The following UIMC1 variants were observed in gnomAD, a reference collection of about 807,000 sequenced individuals.
The protein encoded by UIMC1 is ubiquitin interaction motif containing 1, also known as BRCA1-A complex subunit RAP80.
A neutral mutation model predicts 84.9 loss-of-function variants in UIMC1; 42 were observed. The observed-to-expected ratio is 0.49, with a 90% CI of 0.39 to 0.64. The LOEUF is 0.64. Among genes scored for constraint, UIMC1 ranks in the 30% least tolerant of loss-of-function variants. UIMC1 has a pLI of 0.00. For synonymous variants in UIMC1, 281 were observed against 293.0 expected, an observed-to-expected ratio of 0.96 and a Z score of 0.42; for missense variants, 825 against 847.6, an observed-to-expected ratio of 0.97 and a Z score of 0.33.
At chr5:176,947,634 CG>C (rs981292505) in intron 9 of UIMC1, among the ~76,000 whole-genome samples, 246 of 151,982 alleles carry the variant, frequency 1.6e-3, no homozygotes, top group African/African-American at 5.7e-3. Flanking sequence ...CTGGCTAACA[CG>C]GTGAAACCCC....
chr5:176,988,963 A>G (rs2055619), intron 1 of UIMC1, among the ~76,000 whole-genome samples: 87,672 of 151,930 alleles, frequency 0.58, 27,040 homozygotes, highest in African/African-American at 0.81. Context: ...ATTACAGGGT[A>G]AGCCACCGTG....
At chr5:176,967,267 C>A (rs1768445345) in intron 6 of UIMC1, among the ~76,000 whole-genome samples, 1 of 150,372 alleles carries the variant, frequency 6.7e-6, no homozygotes. Context: ...CTGACTAATC[C>A]ACACATGGTA....
intron 13 of UIMC1, among the ~76,000 whole-genome samples, chr5:176,906,628 G>T (rs1759423036): frequency 6.6e-6 from 1 of 152,220 alleles, no homozygotes; most frequent in Non-Finnish European, 1.5e-5. Context: ...TGCAATCTAT[G>T]AGGTTTGGCA....
At chr5:177,010,381 G>C (rs1180837707), upstream of UIMC1, among the ~76,000 whole-genome samples, 2 of 152,160 alleles carry the variant, frequency 1.3e-5, no homozygotes, top group African/African-American at 2.4e-5. Flanking sequence ...CTAGCACAGA[G>C]TAAAGAAAGA....
intron 1 of UIMC1, among the ~76,000 whole-genome samples, chr5:177,017,051 T>C (rs1775689084): frequency 1.3e-5 from 2 of 148,668 alleles, no homozygotes; most frequent in Admixed American, 1.3e-4. Context: ...TGAAATGAAA[T>C]GAAAAATGAA....
intron 2 of UIMC1, among the ~76,000 whole-genome samples, chr5:176,979,187 G>A (rs1289546332): frequency 6.6e-6 from 1 of 152,194 alleles, no homozygotes; most frequent in Non-Finnish European, 1.5e-5. Flanking sequence ...GAGATTATTG[G>A]AAAGTGTTGG....
At chr5:176,975,106 C>G (rs563283568) in intron 3 of UIMC1, among the ~76,000 whole-genome samples, 1 of 151,904 alleles carries the variant, frequency 6.6e-6, no homozygotes, top group South Asian at 2.1e-4. Context: ...CATACCCCTA[C>G]ACTTAAGCCT....
At chr5:176,934,281 GAACA>G (rs1247571103) in intron 10 of UIMC1, among the ~76,000 whole-genome samples, 2 of 152,256 alleles carry the variant, frequency 1.3e-5, no homozygotes, top group African/African-American at 2.4e-5. Flanking sequence ...TTAGAGGTAT[GAACA>G]AACACTAAAT....
chr5:177,021,304 G>T (rs1301369498), intron 1 of UIMC1, among the ~76,000 whole-genome samples: 14 of 152,128 alleles, frequency 9.2e-5, no homozygotes, highest in Admixed American at 9.2e-4. Flanking sequence ...AGAAAGAAAA[G>T]AAAAGAGACA....
intron 10 of UIMC1, among the ~76,000 whole-genome samples, chr5:176,925,133 T>C (rs1359298245): frequency 1.3e-5 from 2 of 151,222 alleles, no homozygotes; most frequent in South Asian, 2.1e-4. Flanking sequence ...ATTCAGGACA[T>C]ACAAAGAACT....
chr5:176,920,647 C>A (rs1241698613), intron 10 of UIMC1, among the ~76,000 whole-genome samples: 1 of 152,160 alleles, frequency 6.6e-6, no homozygotes, highest in Admixed American at 6.5e-5. Context: ...TGCAAACTTG[C>A]TAAACTCGTT....
chr5:176,992,304 G>T (rs1214287354), intron 1 of UIMC1, among the ~76,000 whole-genome samples: 1 of 151,846 alleles, frequency 6.6e-6, no homozygotes, highest in South Asian at 2.1e-4. Context: ...ATTCTCAAAG[G>T]AGCGAAAGAC....
chr5:176,922,776 T>G (rs1327029215), intron 10 of UIMC1, among the ~76,000 whole-genome samples: 1 of 152,228 alleles, frequency 6.6e-6, no homozygotes, highest in African/African-American at 2.4e-5. Context: ...GTATATATTA[T>G]CAAATTGCTT....
chr5:176,981,104 T>C (rs576791900), intron 2 of UIMC1, among the ~76,000 whole-genome samples: 1 of 151,892 alleles, frequency 6.6e-6, no homozygotes, highest in Non-Finnish European at 1.5e-5. Flanking sequence ...ATAAAAGTCC[T>C]AATTAAAAAC....
At chr5:176,922,324 TAAAC>T (rs1384827537) in intron 10 of UIMC1, among the ~76,000 whole-genome samples, 2 of 152,226 alleles carry the variant, frequency 1.3e-5, no homozygotes, top group Non-Finnish European at 2.9e-5. Context: ...AAGCAATAGT[TAAAC>T]AACACAGTGA....
intron 1 of UIMC1, among the ~76,000 whole-genome samples, chr5:177,020,531 C>T (rs1775766399): frequency 6.6e-6 from 1 of 152,164 alleles, no homozygotes; most frequent in Non-Finnish European, 1.5e-5. Context: ...GCTGGGTTCA[C>T]ACCATTCTCC....
At chr5:177,021,796 C>T (rs1360786529) in intron 1 of UIMC1, among the ~76,000 whole-genome samples, 2 of 152,160 alleles carry the variant, frequency 1.3e-5, no homozygotes, top group Non-Finnish European at 2.9e-5. Flanking sequence ...GGATTACAGG[C>T]ATGTGCCACC....
intron 1 of UIMC1, among the ~76,000 whole-genome samples, chr5:176,994,256 AT>A (rs1436662325): frequency 1.3e-5 from 2 of 152,158 alleles, no homozygotes; most frequent in Non-Finnish European, 2.9e-5. Flanking sequence ...AGCAAGCGAT[AT>A]TAACAAACTT....
intron 1 of UIMC1, among the ~76,000 whole-genome samples, chr5:176,990,074 G>C (rs527593049): frequency 6.6e-6 from 1 of 151,984 alleles, no homozygotes; most frequent in Non-Finnish European, 1.5e-5. Flanking sequence ...CCAGCTACTC[G>C]GGAGGCTGAG....
Sources: gnomAD v4.1 joint callset for allele counts (sites outside exome capture counted in the v4.1 genomes callset) on GRCh38, gnomAD v4.1.1 for gene constraint, MANE v1.5 for transcripts, NCBI Gene and HGNC (gene_info 2026-07-23, HGNC 2026-07-21) for gene names.